CD96: variants seen among roughly 807,000 people sequenced by gnomAD.
The protein encoded by CD96 is T-cell surface protein tactile.
Under a neutral mutation model 71.3 loss-of-function variants are expected in CD96, and 70 were observed. The observed-to-expected ratio is 0.98, with a 90% confidence interval of 0.81 to 1.20. CD96 has a LOEUF of 1.20. Ranked by LOEUF, CD96 falls within the 50% of genes most tolerant of loss-of-function variation. CD96 has a pLI of 0.00. For synonymous variants in CD96, 248 were observed against 233.0 expected (o/e 1.06, Z -0.59); for missense variants, 742 against 677.5 (o/e 1.10, Z -1.06).
intron 2 of CD96, among the ~76,000 whole-genome samples, chr3:111,562,730 C>T (rs1272890544): frequency 6.6e-6 from 1 of 152,216 alleles, no homozygotes; most frequent in Non-Finnish European, 1.5e-5. Flanking sequence ...GCCAGTTGTC[C>T]AGACTTCCTG....
chr3:111,542,409 T>TCACCACTGCTGAAATTAAA, intron 1 of CD96, 100 bp downstream of exon 1: 1 of 826,388 alleles, frequency 1.2e-6, no homozygotes, highest in South Asian at 1.4e-5. Context: ...CTGAAATTGA[T>TCACCACTGCTGAAATTAAA]CACCAAAGGA....
intron 10 of CD96, among the ~76,000 whole-genome samples, chr3:111,624,718 G>A (rs1400773016): frequency 6.6e-6 from 1 of 152,184 alleles, no homozygotes; most frequent in African/African-American, 2.4e-5. Flanking sequence ...AGGTCTTACT[G>A]AGGAAGGTGA....
chr3:111,555,246 A>G (rs1934931348), intron 2 of CD96, among the ~76,000 whole-genome samples: 1 of 152,284 alleles, frequency 6.6e-6, no homozygotes, highest in African/African-American at 2.4e-5. Flanking sequence ...AAATGTATGT[A>G]TAGTTTTTAT....
At chr3:111,547,606 C>T (rs1265159005) in intron 2 of CD96, among the ~76,000 whole-genome samples, 8 of 152,122 alleles carry the variant, frequency 5.3e-5, no homozygotes, top group Non-Finnish European at 1.0e-4. Flanking sequence ...ATGATGTTGC[C>T]TTTAAAGAAA....
chr3:111,571,505 A>G (rs1935984890), intron 3 of CD96, among the ~76,000 whole-genome samples: 1 of 151,956 alleles, frequency 6.6e-6, no homozygotes, highest in South Asian at 2.1e-4. Flanking sequence ...CCATGTAGAC[A>G]TTACCTTTGG....
rs376936206 is a variant in CD96 at position 111,569,961 on chromosome 3, C to G, written c.543+2314C>G. Among the ~76,000 whole-genome samples, 7 of 152,128 alleles carry G rather than the reference C, an allele frequency of 4.6e-5. No homozygotes were observed. In the East Asian group the frequency reaches 1.2e-3, roughly 25 times the overall value. The stretch of plus-strand genomic sequence containing the variant: ...TCCAGGTTAACAGTAAATTCTTCTC[C>G]CAAGGCTGGGGCCGTCAAGGCACAG... On this transcript the variant is annotated intron_variant, in intron 3 of 13. Coordinates refer to ENST00000352690, the MANE Select transcript of CD96 (RefSeq NM_005816.5).
At chr3:111,645,350 A>G (rs147655135) in intron 12 of CD96, among the ~76,000 whole-genome samples, 3,821 of 152,112 alleles carry the variant, frequency 0.025, 187 homozygotes, top group African/African-American at 0.088. Flanking sequence ...GAATGACACA[A>G]TGGACTTTGG....
At chr3:111,571,441 A>G (rs1224613713) in intron 3 of CD96, among the ~76,000 whole-genome samples, 1 of 151,928 alleles carries the variant, frequency 6.6e-6, no homozygotes, top group East Asian at 1.9e-4. Context: ...CAAAGACTTG[A>G]CAACTGATGA....
chr3:111,653,056 C>T (rs753865365), downstream of CD96, among the ~76,000 whole-genome samples: 40 of 152,168 alleles, frequency 2.6e-4, no homozygotes, highest in Non-Finnish European at 8.8e-5. Flanking sequence ...ACCAGGAGAA[C>T]TCCTCAGCTT....
In CD96 at chr3:111,636,680, G is replaced by T. The variant is rs1025577853; in HGVS notation, c.1322-516G>T. Among the ~76,000 whole-genome samples the T allele has an allele frequency of 3.3e-5, 5 of 152,322 alleles. No individual in the cohort carries two copies. The East Asian group carries it at 9.6e-4, about 29-fold the overall frequency. On this transcript the variant is annotated intron_variant, in intron 10 of 13. Transcript: ENST00000352690. ...AAGGACTCACTCAGCAGCTGACAAG[G>T]CCTGTGACCCCAGGGGTCTGATAAT... is the stretch of plus-strand genomic sequence containing the variant.
At chr3:111,665,077 ATATACATG>A (rs1306027260) in intron 14 of CD96, among the ~76,000 whole-genome samples, 1 of 152,200 alleles carries the variant, frequency 6.6e-6, no homozygotes, top group Non-Finnish European at 1.5e-5. Context: ...GCATGTATAG[ATATACATG>A]TATATGCATA....
At chr3:111,594,388 G>A in intron 5 of CD96, 5 of 634,496 alleles carry the variant, frequency 7.9e-6, no homozygotes, top group Non-Finnish European at 1.1e-5. Context: ...TGGAGAGTCA[G>A]GGGTGAGTCA....
chr3:111,591,774 G>T (rs769974637), intron 5 of CD96, among the ~76,000 whole-genome samples: 8 of 152,182 alleles, frequency 5.3e-5, no homozygotes, highest in Non-Finnish European at 8.8e-5. Flanking sequence ...CAGATCTCTA[G>T]ATAAAAAAAG....
chr3:111,549,609 G>T (rs1479008704), intron 2 of CD96, among the ~76,000 whole-genome samples: 1 of 152,124 alleles, frequency 6.6e-6, no homozygotes, highest in African/African-American at 2.4e-5. Flanking sequence ...CAGTGGCAAT[G>T]AACTAGAAAT....
In CD96 at chr3:111,567,481, A is replaced by G; in HGVS notation, c.419-42A>G. Reference sequence around the variant, plus strand: ...TTTGATAAAAAGCACTTTACAAACCAATCAGAGATTCACATATTTTCTACC... The same window carrying G: ...TTTGATAAAAAGCACTTTACAAACCGATCAGAGATTCACATATTTTCTACC... On this transcript the variant is annotated intron_variant, in intron 2 of 13. Transcript: ENST00000352690. 1.3e-6 allele frequency: 2 copies of G among 1,570,456 alleles called. 1 individual carries two copies. Among genetic ancestry groups the G allele is most frequent in the South Asian group, 2.2e-5 (2 of 90,158 alleles).
In CD96 at chr3:111,576,039, C is replaced by T. The variant is rs535522569; in HGVS notation, c.544-2988C>T. Among the ~76,000 whole-genome samples the T allele has an allele frequency of 2.7e-4, 41 of 152,244 alleles. No individual in the cohort carries two copies. In the South Asian group the frequency reaches 8.3e-3, roughly 31 times the overall value. ...GATAGCAGGTTGATCATAGGCTGGA[C>T]TAGATAATAATAAGCTTGTATTATT... is the stretch of plus-strand genomic sequence containing the variant. On this transcript the variant is annotated intron_variant, in intron 3 of 13. Transcript: ENST00000352690.
chr3:111,608,999 A>G (rs924874012), intron 8 of CD96, among the ~76,000 whole-genome samples: 1 of 152,238 alleles, frequency 6.6e-6, no homozygotes, highest in African/African-American at 2.4e-5. Context: ...AGTAAGTATT[A>G]GACTTTGAAA....
intron 3 of CD96, among the ~76,000 whole-genome samples, chr3:111,573,525 C>A (rs974361454): frequency 6.6e-6 from 1 of 152,190 alleles, no homozygotes. Flanking sequence ...TACACCAAGA[C>A]CCTGGGACCT....
intron 14 of CD96, among the ~76,000 whole-genome samples, chr3:111,657,525 A>G (rs1940261842): frequency 6.6e-6 from 1 of 151,284 alleles, no homozygotes; most frequent in African/African-American, 2.4e-5. Flanking sequence ...GAACAAGGTG[A>G]GAATTGTAAG....
Sources: allele counts gnomAD v4.1 joint callset (sites outside exome capture counted in the v4.1 genomes callset), GRCh38; gene constraint gnomAD v4.1.1; transcripts MANE v1.5; gene names NCBI Gene and HGNC (gene_info 2026-07-23, HGNC 2026-07-21).